Variants in ACER3 observed in about 807,000 individuals in gnomAD.
ACER3 encodes the protein alkCDase 3.
ACER3 carries 16 observed loss-of-function variants against 48.9 expected under a neutral mutation model. The observed-to-expected ratio is 0.33, with a 90% CI of 0.22 to 0.50. The LOEUF (loss-of-function observed/expected upper bound fraction) is 0.50. Ranked by LOEUF, ACER3 falls within the 20% of genes least tolerant of loss-of-function variation. ACER3 has a pLI of 0.98. For missense variants in ACER3, 227 were observed against 326.0 expected (o/e 0.70, Z 2.34); for synonymous variants, 109 against 107.8 (o/e 1.01, Z -0.07).
chr11:76,965,681 A>G (rs1292623310), intron 3 of ACER3, among the ~76,000 whole-genome samples: 3 of 146,788 alleles, frequency 2.0e-5, no homozygotes, highest in Non-Finnish European at 4.5e-5. Flanking sequence ...AGAATTTTCA[A>G]CACAGAATTT....
At chr11:76,864,810 G>C (rs1238131549) in intron 1 of ACER3, among the ~76,000 whole-genome samples, 1 of 144,286 alleles carries the variant, frequency 6.9e-6, no homozygotes, top group Non-Finnish European at 1.5e-5. Flanking sequence ...ATTTTGGCCA[G>C]GCTGGTCTCG....
chr11:76,894,458 A>T (rs553909835), intron 1 of ACER3, among the ~76,000 whole-genome samples: 1 of 152,308 alleles, frequency 6.6e-6, no homozygotes, highest in Non-Finnish European at 1.5e-5. Context: ...CACATAGTAT[A>T]ATTAATATGC....
intron 3 of ACER3, among the ~76,000 whole-genome samples, chr11:76,965,039 G>C (rs898059520): frequency 1.1e-4 from 17 of 151,210 alleles, no homozygotes; most frequent in African/African-American, 3.2e-4. Flanking sequence ...TCGAACCAAT[G>C]GCAAAGAAGT....
chr11:76,924,097 C>G (rs899639656), intron 1 of ACER3, among the ~76,000 whole-genome samples: 3 of 152,146 alleles, frequency 2.0e-5, no homozygotes, highest in African/African-American at 7.2e-5. Context: ...TGGGTACTCC[C>G]TCCTTATGCT....
chr11:77,001,538 G>A (rs1235581617), intron 7 of ACER3, among the ~76,000 whole-genome samples: 1 of 152,192 alleles, frequency 6.6e-6, no homozygotes, highest in Non-Finnish European at 1.5e-5. Context: ...TTACAGGTGT[G>A]AGACAACACG....
At chr11:76,984,653 A>T (rs890584919) in intron 4 of ACER3, among the ~76,000 whole-genome samples, 5 of 152,222 alleles carry the variant, frequency 3.3e-5, no homozygotes, top group Non-Finnish European at 5.9e-5. Flanking sequence ...TAGTTATATG[A>T]AAAAAATAAA....
At position 77,024,514 on chromosome 11, in the gene ACER3, C is replaced by T. The variant is rs1427030538; in HGVS notation, c.*4187C>T. 6.6e-6 allele frequency: 1 copy of T among 152,102 alleles called. No individual in the cohort carries two copies. The highest frequency in any genetic ancestry group is 1.9e-4 in the East Asian group (1 of 5,190). 9.4% of individuals were successfully genotyped at this position (152,102 alleles called of 1,614,324 possible). ...CTGACTTTGGAGTATAAACTTTTGC[C>T]TTGAGTATGAAACCTTGACATTGCT... On this transcript the variant is annotated 3_prime_UTR_variant, in exon 11 of 11. Transcript: ENST00000532485.
intron 3 of ACER3, 132 bp from the exon 4 acceptor site, chr11:76,976,157 G>A (rs748518234): frequency 1.4e-6 from 1 of 695,406 alleles, no homozygotes; most frequent in Non-Finnish European, 2.4e-6. Flanking sequence ...AGAGTGCTGG[G>A]ATTACAGGTG....
chr11:76,879,516 G>T (rs1355985546), intron 1 of ACER3, among the ~76,000 whole-genome samples: 2 of 152,072 alleles, frequency 1.3e-5, no homozygotes, highest in Non-Finnish European at 2.9e-5. Context: ...GCCTTTTCTT[G>T]ACCTAAAAAG....
At chr11:76,910,832 G>A (rs1946360737) in intron 1 of ACER3, among the ~76,000 whole-genome samples, 1 of 152,178 alleles carries the variant, frequency 6.6e-6, no homozygotes, top group Admixed American at 6.5e-5. Flanking sequence ...TAGTTTGGTT[G>A]TACTGTGTAA....
At chr11:76,985,933 A>C (rs1948677326) in intron 5 of ACER3, among the ~76,000 whole-genome samples, 1 of 152,222 alleles carries the variant, frequency 6.6e-6, no homozygotes, top group South Asian at 2.1e-4. Flanking sequence ...AAATCTGTTT[A>C]GTTTTTAAAG....
At chr11:77,001,749 A>G (rs1949035724) in intron 7 of ACER3, among the ~76,000 whole-genome samples, 1 of 152,182 alleles carries the variant, frequency 6.6e-6, no homozygotes. Flanking sequence ...ACCTTTCATC[A>G]TTAAGTTAAA....
At chr11:76,898,727 AC>A (rs367857390) in intron 1 of ACER3, among the ~76,000 whole-genome samples, 15,865 of 150,874 alleles carry the variant, frequency 0.11, 1,043 homozygotes, top group East Asian at 0.35. Context: ...AAACGGTGAA[AC>A]CCCGTCTCTA....
At chr11:77,019,616 C>T in intron 9 of ACER3, 115 bp from the exon 10 acceptor site, 2 of 904,010 alleles carry the variant, frequency 2.2e-6, no homozygotes, top group East Asian at 2.4e-5. Flanking sequence ...AGCATATACT[C>T]ATGTTGTTTT....
chr11:76,987,174 G>T (rs2135208880), intron 5 of ACER3, among the ~76,000 whole-genome samples: 1 of 152,346 alleles, frequency 6.6e-6, no homozygotes, highest in Middle Eastern at 3.4e-3. Flanking sequence ...TATGAGGCTG[G>T]ATTACAGGAG....
At chr11:76,914,428 A>G (rs1388851185) in intron 1 of ACER3, among the ~76,000 whole-genome samples, 1 of 152,246 alleles carries the variant, frequency 6.6e-6, no homozygotes, top group Admixed American at 6.5e-5. Flanking sequence ...TATGCAGCCC[A>G]AAAACACATG....
chr11:76,880,797 G>A (rs966042421), intron 1 of ACER3, among the ~76,000 whole-genome samples: 1 of 152,094 alleles, frequency 6.6e-6, no homozygotes, highest in African/African-American at 2.4e-5. Flanking sequence ...AAGGACTGTG[G>A]GAGTTATAAA....
chr11:76,919,499 T>C (rs1012392195), intron 1 of ACER3, among the ~76,000 whole-genome samples: 21 of 152,166 alleles, frequency 1.4e-4, no homozygotes, highest in African/African-American at 2.4e-5. Context: ...GAGAATGTGT[T>C]TGGGGGTATA....
intron 4 of ACER3, 137 bp from the exon 5 acceptor site, chr11:76,985,506 C>A: frequency 1.8e-6 from 1 of 570,458 alleles, no homozygotes. Context: ...ATAGGCAGTG[C>A]AGGTTTTCTC....
Sources: allele counts gnomAD v4.1 joint callset (sites outside exome capture counted in the v4.1 genomes callset), GRCh38; gene constraint gnomAD v4.1.1; transcripts MANE v1.5; gene names NCBI Gene and HGNC (gene_info 2026-07-23, HGNC 2026-07-21).